Variants in ADRB1 observed in about 807,000 individuals in gnomAD.
The protein encoded by ADRB1 is beta-1 adrenergic receptor.
For synonymous variants in ADRB1, 365 were observed against 347.2 expected, an observed-to-expected ratio of 1.05 and a Z score of -0.57; for missense variants, 635 against 709.1, an observed-to-expected ratio of 0.90 and a Z score of 1.19.
In ADRB1 at chr10:114,044,007, G is replaced by C; in HGVS notation, c.-126G>C. ...GCCCGGCGCCCATGCCTCCGGCCCC[G>C]CGCCGCGGCTGCCCTGACCCGGCCG... On this transcript the variant is annotated 5_prime_UTR_variant, in exon 1 of 1. Transcript: ENST00000369295. The surrounding 1 kb of genome is among the most constrained non-coding windows in gnomAD (Gnocchi z 7.8). 1 of 760,416 alleles carries C rather than the reference G, an allele frequency of 1.3e-6. No individual in the cohort carries two copies. The highest frequency in any genetic ancestry group is 1.7e-6 in the Non-Finnish European group (1 of 578,434). 47.1% of individuals were successfully genotyped at this position (760,416 alleles called of 1,614,324 possible).
chr10:114,044,039 C>T lies in ADRB1; in HGVS notation c.-94C>T. The stretch of plus-strand genomic sequence containing the variant: ...GGCTGCCCTGACCCGGCCGCGACCT[C>T]CCTCTGCGCACCACGCCGCCCGGGC... On this transcript the variant is annotated 5_prime_UTR_variant, in exon 1 of 1. Coordinates refer to ENST00000369295, the MANE Select transcript of ADRB1 (RefSeq NM_000684.3). This position sits in a 1 kb window ranked among gnomAD's most constrained non-coding sequence, Gnocchi z 7.8. The T allele has an allele frequency of 9.4e-7, 1 of 1,066,204 alleles. No homozygotes were observed. The highest frequency in any genetic ancestry group is 1.2e-6 in the Non-Finnish European group (1 of 849,390). The allele number at this position is 1,066,204 out of a possible 1,614,324, so 66.0% of individuals were successfully genotyped here. A position where few individuals can be genotyped will look rare whatever the true frequency, so the allele number is the denominator to read the frequency against.
In ADRB1 at chr10:114,044,436, A is replaced by G; in HGVS notation, c.304A>G (p.Ser102Gly). The change falls in exon 1 of 1, where the codon AGC becomes GGC. Residue 102 changes from serine to glycine, a missense_variant. Coordinates refer to ENST00000369295, the MANE Select transcript of ADRB1 (RefSeq NM_000684.3). The surrounding 1 kb of genome is among the most constrained non-coding windows in gnomAD (Gnocchi z 7.8). ...CAACCTCTTCATCATGTCCCTGGCC[A>G]GCGCCGACCTGGTCATGGGGCTGCT... ...LTNLFIMSLA[S>G]ADLVMGLLVV... The G allele has an allele frequency of 6.2e-7, 1 of 1,612,744 alleles. No individual in the cohort carries two copies. Among genetic ancestry groups the G allele is most frequent in the Non-Finnish European group, 8.5e-7 (1 of 1,179,948 alleles).
In ADRB1 at chr10:114,044,098, G is replaced by A; in HGVS notation, c.-35G>A. On this transcript the variant is annotated 5_prime_UTR_variant, in exon 1 of 1. Transcript: ENST00000369295. The surrounding 1 kb of genome is among the most constrained non-coding windows in gnomAD (Gnocchi z 7.8). ...TGTTCCCCAACCACGGCCCAGCCCT[G>A]CCACACCCCCCGCCCCCGGCCTCCG... 1 of 1,246,770 alleles carries A rather than the reference G, an allele frequency of 8.0e-7. No homozygotes were observed. 77.2% of individuals were successfully genotyped at this position (1,246,770 alleles called of 1,614,324 possible). A position where few individuals can be genotyped will look rare whatever the true frequency, so the allele number is the denominator to read the frequency against.
In ADRB1 at chr10:114,044,810, C is replaced by G; in HGVS notation, c.678C>G (p.Ile226Met). The G allele has an allele frequency of 1.2e-6, 2 of 1,613,872 alleles. No individual in the cohort carries two copies. The highest frequency in any genetic ancestry group is 2.2e-5 in the South Asian group (2 of 91,084). ...TCGTCACCAACCGGGCCTACGCCAT[C>G]GCCTCGTCCGTAGTCTCCTTCTACG... ...CDFVTNRAYA[I>M]ASSVVSFYVP... is the part of the protein sequence containing the mutation. Residue 226 changes from isoleucine (I) to methionine (M), a missense_variant, in exon 1 of 1, where the codon ATC becomes ATG. Transcript: ENST00000369295. This position sits in a 1 kb window ranked among gnomAD's most constrained non-coding sequence, Gnocchi z 7.8.
In ADRB1 at chr10:114,045,917, C is replaced by G. The variant is rs537352253; in HGVS notation, c.*351C>G. The G allele has an allele frequency of 2.3e-4, 42 of 180,944 alleles. No homozygotes were observed. The highest frequency in any genetic ancestry group is 4.4e-4 in the Non-Finnish European group (35 of 79,198). The allele number at this position is 180,944 out of a possible 1,614,324, so 11.2% of individuals were successfully genotyped here. On this transcript the variant is annotated 3_prime_UTR_variant, in exon 1 of 1. Transcript: ENST00000369295. ...GGTTTTTGACACTCTCTGAGAGGACCGGAGTGGAAGATGGGTGGGTTAGGG... is the reference window on the plus strand; with the variant it reads ...GGTTTTTGACACTCTCTGAGAGGACGGGAGTGGAAGATGGGTGGGTTAGGG...
In ADRB1 at chr10:114,046,238, C is replaced by T. The variant is rs1296519650; in HGVS notation, c.*672C>T. On this transcript the variant is annotated 3_prime_UTR_variant, in exon 1 of 1. Transcript: ENST00000369295. The stretch of plus-strand genomic sequence containing the variant: ...TTGTGTAGGGCAAACCCGCTGTCCC[C>T]CGCGCGCCTGGGTGGTCAGGCTGAG... 1 of 167,104 alleles carries T rather than the reference C, an allele frequency of 6.0e-6. No homozygotes were observed. The highest frequency in any genetic ancestry group is 2.4e-5 in the African/African-American group (1 of 41,432). 10.4% of individuals were successfully genotyped at this position (167,104 alleles called of 1,614,324 possible).
Position 114,044,969 on chromosome 10 carries a change from C to A in ADRB1, c.837C>A (p.Pro279=), listed in dbSNP as rs950307363. Residue 279 remains proline, a synonymous_variant, in exon 1 of 1, where the codon CCC becomes CCA. Transcript: ENST00000369295. This position sits in a 1 kb window ranked among gnomAD's most constrained non-coding sequence, Gnocchi z 7.8. ...GGCCGCCCTCGCCCTCGCCCTCGCC[C>A]GTCCCCGCGCCCGCGCCGCCGCCCG... The part of the protein sequence containing the change: ...PARPPSPSPS[P]VPAPAPPPGP... 3 of 1,201,736 alleles carry A rather than the reference C, an allele frequency of 2.5e-6. No homozygotes were observed. Among genetic ancestry groups the A allele is most frequent in the South Asian group, 3.7e-5 (1 of 27,140 alleles). 74.4% of individuals were successfully genotyped at this position (1,201,736 alleles called of 1,614,324 possible). A position where few individuals can be genotyped will look rare whatever the true frequency, so the allele number is the denominator to read the frequency against.
rs1480207230 is a variant in ADRB1, at chr10:114,045,309, T to G, written c.1177T>G (p.Cys393Gly). The G allele has an allele frequency of 6.4e-7, 1 of 1,559,432 alleles. No individual in the cohort carries two copies. Residue 393 changes from cysteine (C) to glycine (G), a missense_variant, in exon 1 of 1, where the codon TGC (cysteine) becomes GGC (glycine). Physicochemically the swap from Cys to Gly is radical, Grantham distance 159 (BLOSUM62 -3). Transcript: ENST00000369295. ...FRKAFQGLLC[C>G]ARRAARRRHA... ...CAAGGCCTTCCAGGGACTGCTCTGCTGCGCGCGCAGGGCTGCCCGCCGGCG... is the reference window on the plus strand; with the variant it reads ...CAAGGCCTTCCAGGGACTGCTCTGCGGCGCGCGCAGGGCTGCCCGCCGGCG...
Position 114,045,905 on chromosome 10 carries a change from C to T in ADRB1, c.*339C>T, listed in dbSNP as rs976283121. ...CCCCCACCAGGTGGTTTTTGACACT[C>T]TCTGAGAGGACCGGAGTGGAAGATG... is the stretch of plus-strand genomic sequence containing the variant. On this transcript the variant is annotated 3_prime_UTR_variant, in exon 1 of 1. Coordinates refer to ENST00000369295, the MANE Select transcript of ADRB1 (RefSeq NM_000684.3). 3 of 178,556 alleles carry T rather than the reference C, an allele frequency of 1.7e-5. No homozygotes were observed. Among genetic ancestry groups the T allele is most frequent in the South Asian group, 2.2e-4 (1 of 4,610 alleles). The allele number at this position is 178,556 out of a possible 1,614,324, so 11.1% of individuals were successfully genotyped here. A position where few individuals can be genotyped will look rare whatever the true frequency, so the allele number is the denominator to read the frequency against.
At position 114,045,156 on chromosome 10, in the gene ADRB1, C is replaced by T. The variant is rs757122848; in HGVS notation, c.1024C>T (p.Leu342=). Residue 342 remains leucine (L), a synonymous_variant, in exon 1 of 1, where the codon CTG becomes TTG. Transcript: ENST00000369295. ...CACGCTCTGCTGGCTGCCCTTCTTC[C>T]TGGCCAACGTGGTGAAGGCCTTCCA... ...VFTLCWLPFF[L]ANVVKAFHRE... The T allele has an allele frequency of 6.9e-6, 11 of 1,597,158 alleles. No homozygotes were observed. Among genetic ancestry groups the T allele is most frequent in the Non-Finnish European group, 9.4e-6 (11 of 1,172,076 alleles).
At position 114,044,940 on chromosome 10, in the gene ADRB1, G is replaced by A. The variant is rs199698054; in HGVS notation, c.808G>A (p.Ala270Thr). 2,149 of 1,537,368 alleles carry A rather than the reference G, an allele frequency of 1.4e-3. 26 individuals are homozygous for A. In the African/African-American group the frequency reaches 0.026, roughly 18 times the overall value. The change falls in exon 1 of 1, where the codon GCG (alanine) becomes ACG (threonine). Residue 270 changes from alanine (A) to threonine (T), a missense_variant. By Grantham distance (58) the Ala-to-Thr change is moderately conservative. Coordinates refer to ENST00000369295, the MANE Select transcript of ADRB1 (RefSeq NM_000684.3). This position sits in a 1 kb window ranked among gnomAD's most constrained non-coding sequence, Gnocchi z 7.8. The part of the protein sequence containing the change: ...SCERRFLGGP[A>T]RPPSPSPSPV... ...CGAGCGCCGTTTCCTCGGCGGCCCAGCGCGGCCGCCCTCGCCCTCGCCCTC... is the reference window on the plus strand; with the variant it reads ...CGAGCGCCGTTTCCTCGGCGGCCCAACGCGGCCGCCCTCGCCCTCGCCCTC...
chr10:114,044,474 CGGGGCCACCATCGTGGTGT>C lies in ADRB1; in HGVS notation c.349_367del (p.Thr117AlafsTer20). 1 of 1,613,470 alleles carries C rather than the reference CGGGGCCACCATCGTGGTGT, an allele frequency of 6.2e-7. No homozygotes were observed. The highest frequency in any genetic ancestry group is 8.5e-7 in the Non-Finnish European group (1 of 1,179,960). ...TCATGGGGCTGCTGGTGGTGCCGTT[CGGGGCCACCATCGTGGTGT>C]GGGGCCGCTGGGAGTACGGCTCCTT... On this transcript the variant is annotated frameshift_variant, in exon 1 of 1. Transcript: ENST00000369295. LOFTEE classifies it low-confidence loss of function (END_TRUNC). This position sits in a 1 kb window ranked among gnomAD's most constrained non-coding sequence, Gnocchi z 7.8.
At position 114,045,893 on chromosome 10, in the gene ADRB1, G is replaced by A. The variant is rs536598478; in HGVS notation, c.*327G>A. ...TTAGATTTTTTTCCCCCACCAGGTG[G>A]TTTTTGACACTCTCTGAGAGGACCG... On this transcript the variant is annotated 3_prime_UTR_variant, in exon 1 of 1. Coordinates refer to ENST00000369295, the MANE Select transcript of ADRB1 (RefSeq NM_000684.3). 1 of 184,004 alleles carries A rather than the reference G, an allele frequency of 5.4e-6. No homozygotes were observed. The highest frequency in any genetic ancestry group is 1.4e-4 in the East Asian group (1 of 7,394). The allele number at this position is 184,004 out of a possible 1,614,324, so 11.4% of individuals were successfully genotyped here.
chr10:114,046,396 A>C lies in ADRB1; in HGVS notation c.*830A>C, dbSNP rs1174868053. 1 of 167,148 alleles carries C rather than the reference A, an allele frequency of 6.0e-6. No individual in the cohort carries two copies. 10.4% of individuals were successfully genotyped at this position (167,148 alleles called of 1,614,324 possible). ...TCTCTCTGTGACATGTGACTCTGTC[A>C]ATTGAAGACAGGACATTAAAAGAGA... On this transcript the variant is annotated 3_prime_UTR_variant, in exon 1 of 1. Transcript: ENST00000369295.
chr10:114,044,342 G>C lies in ADRB1; in HGVS notation c.210G>C (p.Leu70=), dbSNP rs780643195. The C allele has an allele frequency of 3.2e-5, 52 of 1,604,566 alleles. 1 individual carries two copies. The Admixed American group carries it at 8.4e-4, about 26-fold the overall frequency. The part of the protein sequence containing the change: ...GMGLLMALIV[L]LIVAGNVLVI... ...GTCTGCTGATGGCGCTCATCGTGCTGCTCATCGTGGCGGGCAATGTGCTGG... is the reference window on the plus strand; with the variant it reads ...GTCTGCTGATGGCGCTCATCGTGCTCCTCATCGTGGCGGGCAATGTGCTGG... The change falls in exon 1 of 1, where the codon CTG becomes CTC. Residue 70 remains leucine (L), a synonymous_variant. Coordinates refer to ENST00000369295, the MANE Select transcript of ADRB1 (RefSeq NM_000684.3). The surrounding 1 kb of genome is among the most constrained non-coding windows in gnomAD (Gnocchi z 7.8).
rs1267358319 is a variant in ADRB1 at position 114,044,179 on chromosome 10, T to A, written c.47T>A (p.Leu16Gln). The change falls in exon 1 of 1, where the codon CTG (leucine) becomes CAG (glutamine). Residue 16 changes from leucine to glutamine, a missense_variant. Leu to Gln is a moderately radical substitution (Grantham distance 113). Coordinates refer to ENST00000369295, the MANE Select transcript of ADRB1 (RefSeq NM_000684.3). The surrounding 1 kb of genome is among the most constrained non-coding windows in gnomAD (Gnocchi z 7.8). ...LVLGASEPGN[L>Q]SSAAPLPDGA... ...CTGGGCGCCTCCGAGCCCGGTAACC[T>A]GTCGTCGGCCGCACCGCTCCCCGAC... 95 of 1,361,440 alleles carry A rather than the reference T, an allele frequency of 7.0e-5. 1 individual carries two copies. In the East Asian group the frequency reaches 2.8e-3, roughly 40 times the overall value. The allele number at this position is 1,361,440 out of a possible 1,614,324, so 84.3% of individuals were successfully genotyped here.
At position 114,044,316 on chromosome 10, in the gene ADRB1, G is replaced by A. The variant is rs1014696477; in HGVS notation, c.184G>A (p.Gly62Ser). Residue 62 changes from glycine to serine, a missense_variant, in exon 1 of 1, where the codon GGT becomes AGT. Transcript: ENST00000369295. This position sits in a 1 kb window ranked among gnomAD's most constrained non-coding sequence, Gnocchi z 7.8. ...PLSQQWTAGM[G>S]LLMALIVLLI... ...GTCTCAGCAGTGGACAGCGGGCATG[G>A]GTCTGCTGATGGCGCTCATCGTGCT... 1 of 1,598,336 alleles carries A rather than the reference G, an allele frequency of 6.3e-7. No homozygotes were observed. The highest frequency in any genetic ancestry group is 8.5e-7 in the Non-Finnish European group (1 of 1,176,392).
rs976653473 is a variant in ADRB1 at position 114,044,675 on chromosome 10, C to A, written c.543C>A (p.Thr181=). The A allele has an allele frequency of 6.2e-6, 10 of 1,612,616 alleles. No homozygotes were observed. The highest frequency in any genetic ancestry group is 1.1e-5 in the South Asian group (1 of 91,048). ...TRARARGLVC[T]VWAISALVSF... ...CGCGGGCGCGGGGCCTCGTGTGCAC[C>A]GTGTGGGCCATCTCGGCCCTGGTGT... The change falls in exon 1 of 1, where the codon ACC becomes ACA. Residue 181 remains threonine (T), a synonymous_variant. Transcript: ENST00000369295. This position sits in a 1 kb window ranked among gnomAD's most constrained non-coding sequence, Gnocchi z 7.8.
At position 114,045,215 on chromosome 10, in the gene ADRB1, C is replaced by T. The variant is rs1386566242; in HGVS notation, c.1083C>T (p.Phe361=). 1.9e-6 allele frequency: 3 copies of T among 1,598,140 alleles called. No individual in the cohort carries two copies. Among genetic ancestry groups the T allele is most frequent in the East Asian group, 2.3e-5 (1 of 43,946 alleles). Residue 361 remains phenylalanine (F), a synonymous_variant, in exon 1 of 1, where the codon TTC becomes TTT. Transcript: ENST00000369295. ...TGGTGCCCGACCGCCTCTTCGTCTT[C>T]TTCAACTGGCTGGGCTACGCCAACT... ...RELVPDRLFV[F]FNWLGYANSA...
Sources: gnomAD v4.1 joint callset for allele counts on GRCh38, gnomAD v4.1.1 for gene constraint, Gnocchi (gnomAD v3.1) non-coding constraint, MANE v1.5 for transcripts, NCBI Gene and HGNC (gene_info 2026-07-23, HGNC 2026-07-21) for gene names.